The following DLG2 variants were observed in gnomAD, a reference collection of about 807,000 sequenced individuals.
DLG2 encodes discs large MAGUK scaffold protein 2.
In DLG2, 45 loss-of-function variants were observed where a neutral mutation model predicts 132.5. That is an observed-to-expected ratio of 0.34 (90% confidence interval 0.27 to 0.44). DLG2 has a LOEUF of 0.44. Ranked by LOEUF, DLG2 falls within the 20% of genes least tolerant of loss-of-function variation. DLG2 has a pLI of 1.00. For missense variants in DLG2, 1,045 were observed against 1,196.9 expected (o/e 0.87, Z 1.87); for synonymous variants, 424 against 419.6 (o/e 1.01, Z -0.13).
chr11:84,021,758 ACTT>A (rs1398709796), intron 11 of DLG2, among the ~76,000 whole-genome samples: 17 of 133,874 alleles, frequency 1.3e-4, no homozygotes, highest in African/African-American at 3.3e-4. Flanking sequence ...AAAAACAACT[ACTT>A]CTTTTTTTTT....
At chr11:84,159,308 A>G (rs1033782592) in intron 9 of DLG2, among the ~76,000 whole-genome samples, 2 of 152,248 alleles carry the variant, frequency 1.3e-5, no homozygotes, top group African/African-American at 4.8e-5. Context: ...TGGTGAGTGC[A>G]ATTAAGTAAT....
chr11:84,683,289 A>ACTAT (rs1171487717), intron 6 of DLG2, among the ~76,000 whole-genome samples: 1 of 152,140 alleles, frequency 6.6e-6, no homozygotes, highest in African/African-American at 2.4e-5. Flanking sequence ...TTTTCTTAGC[A>ACTAT]CTATCTCCAT....
intron 3 of DLG2, among the ~76,000 whole-genome samples, chr11:85,354,551 T>G (rs2083543126): frequency 6.7e-6 from 1 of 150,032 alleles, no homozygotes; most frequent in South Asian, 2.1e-4. Flanking sequence ...AGCCAATACA[T>G]TTTTTTTTTC....
chr11:85,053,620 C>T (rs1278416512), intron 6 of DLG2, among the ~76,000 whole-genome samples: 3 of 116,230 alleles, frequency 2.6e-5, no homozygotes, highest in Non-Finnish European at 5.2e-5. Context: ...AACCCCATCT[C>T]TACTAAAAAT....
chr11:83,714,126 G>A (rs2086138736), intron 18 of DLG2, among the ~76,000 whole-genome samples: 1 of 152,158 alleles, frequency 6.6e-6, no homozygotes, highest in Middle Eastern at 3.4e-3. Context: ...GTTGGTTGCT[G>A]TTTATGTTAA....
intron 4 of DLG2, among the ~76,000 whole-genome samples, chr11:85,219,261 A>C (rs934500256): frequency 6.6e-6 from 1 of 152,330 alleles, no homozygotes; most frequent in Non-Finnish European, 1.5e-5. Flanking sequence ...TTACCTCTTC[A>C]TAAAAGCTTT....
chr11:84,133,704 C>A (rs1455974949), intron 9 of DLG2, among the ~76,000 whole-genome samples: 1 of 151,972 alleles, frequency 6.6e-6, no homozygotes, highest in Non-Finnish European at 1.5e-5. Flanking sequence ...TAGTCTTGAA[C>A]TCCTGGGCTC....
At chr11:84,985,849 G>A (rs1385286179) in intron 6 of DLG2, among the ~76,000 whole-genome samples, 1 of 151,774 alleles carries the variant, frequency 6.6e-6, no homozygotes, top group Non-Finnish European at 1.5e-5. Context: ...AAAATTAGCA[G>A]GGCATGATGG....
intron 3 of DLG2, among the ~76,000 whole-genome samples, chr11:85,368,568 C>T (rs2152912890): frequency 6.6e-6 from 1 of 152,350 alleles, no homozygotes; most frequent in Non-Finnish European, 1.5e-5. Context: ...CATCTTCCTA[C>T]TTTTTCTCTT....
chr11:84,906,129 G>C (rs1186592046), intron 6 of DLG2, among the ~76,000 whole-genome samples: 2 of 151,194 alleles, frequency 1.3e-5, no homozygotes, highest in Non-Finnish European at 2.9e-5. Context: ...TTTACCTTAG[G>C]AATACACTCT....
At chr11:83,846,717 T>G (rs2058671209) in intron 16 of DLG2, among the ~76,000 whole-genome samples, 1 of 152,144 alleles carries the variant, frequency 6.6e-6, no homozygotes, top group Non-Finnish European at 1.5e-5. Context: ...TTAAAAAATT[T>G]TCTTCTCGCA....
intron 6 of DLG2, among the ~76,000 whole-genome samples, chr11:84,639,201 T>C (rs973340248): frequency 6.6e-6 from 1 of 152,220 alleles, no homozygotes; most frequent in African/African-American, 2.4e-5. Flanking sequence ...TTGCTTATTT[T>C]TGACATTTTG....
intron 6 of DLG2, among the ~76,000 whole-genome samples, chr11:84,597,133 T>C (rs371750981): frequency 1.3e-5 from 2 of 152,164 alleles, no homozygotes; most frequent in East Asian, 1.9e-4. Context: ...GGCAGGAGAA[T>C]TGCTTGAACC....
intron 4 of DLG2, among the ~76,000 whole-genome samples, chr11:85,168,777 T>C (rs1469608726): frequency 6.6e-6 from 1 of 152,184 alleles, no homozygotes; most frequent in Non-Finnish European, 1.5e-5. Flanking sequence ...GCTATATAGT[T>C]GTTTATGGTA....
chr11:84,078,996 T>A (rs1214822654), intron 10 of DLG2, among the ~76,000 whole-genome samples: 1 of 152,182 alleles, frequency 6.6e-6, no homozygotes, highest in Non-Finnish European at 1.5e-5. Flanking sequence ...ATCCTCAAAG[T>A]CATTCTTTAA....
chr11:84,852,143 T>C (rs148168647), intron 6 of DLG2, among the ~76,000 whole-genome samples: 182 of 152,160 alleles, frequency 1.2e-3, no homozygotes, highest in African/African-American at 4.2e-3. Context: ...GCTGCTTCTT[T>C]TTATACATCA....
At chr11:84,631,014 T>A (rs1038586017) in intron 6 of DLG2, among the ~76,000 whole-genome samples, 113 of 128,296 alleles carry the variant, frequency 8.8e-4, no homozygotes, top group South Asian at 2.2e-3. Flanking sequence ...TCTCTCTCTC[T>A]CTCTCACACA....
chr11:84,548,881 G>T (rs1456780911), intron 6 of DLG2, among the ~76,000 whole-genome samples: 1 of 152,168 alleles, frequency 6.6e-6, no homozygotes, highest in Non-Finnish European at 1.5e-5. Context: ...AGGTCTGGAA[G>T]AATATACTAA....
intron 11 of DLG2, among the ~76,000 whole-genome samples, chr11:84,038,301 G>GA (rs561529268): frequency 2.4e-4 from 35 of 148,132 alleles, no homozygotes; most frequent in South Asian, 8.7e-4. Context: ...AAATTTACAA[G>GA]AAAAAAAAAC....
Sources: allele counts gnomAD v4.1 joint callset (sites outside exome capture counted in the v4.1 genomes callset), GRCh38; gene constraint gnomAD v4.1.1; transcripts MANE v1.5; gene names NCBI Gene and HGNC (gene_info 2026-07-23, HGNC 2026-07-21).